The following SEPTIN2 variants were observed in gnomAD, a reference collection of about 807,000 sequenced individuals.
The protein encoded by SEPTIN2 is septin-2.
A neutral mutation model predicts 46.5 loss-of-function variants in SEPTIN2; 34 were observed. The observed-to-expected ratio is 0.73, with a 90% confidence interval of 0.56 to 0.97. The LOEUF (loss-of-function observed/expected upper bound fraction) is 0.97. Ranked by LOEUF, SEPTIN2 falls within the 50% of genes least tolerant of loss-of-function variation. SEPTIN2 has a pLI of 0.00. For synonymous variants in SEPTIN2, 175 were observed against 153.4 expected, an observed-to-expected ratio of 1.14 and a Z score of -1.04; for missense variants, 347 against 448.4, an observed-to-expected ratio of 0.77 and a Z score of 2.04.
rs1028088202 is a variant in SEPTIN2 at position 241,349,934 on chromosome 2, T to C, written c.985-139T>C. ...AGCTGTTGCTTTTTTTATTGATTGG[T>C]AAAAAGTCTTTATGTAATAACTCCT... On this transcript the variant is annotated intron_variant, in intron 11 of 12. Transcript: ENST00000391971. 8.2e-6 allele frequency: 6 copies of C among 731,990 alleles called. No individual in the cohort carries two copies. The Admixed American group carries it at 1.6e-4, about 19-fold the overall frequency. The allele number at this position is 731,990 out of a possible 1,614,324, so 45.3% of individuals were successfully genotyped here.
chr2:241,350,789 A>G (rs2060718618), intron 12 of SEPTIN2, among the ~76,000 whole-genome samples: 1 of 151,112 alleles, frequency 6.6e-6, no homozygotes, highest in South Asian at 2.1e-4. Flanking sequence ...GAATCTGCAG[A>G]CTCCAGAGAC....
chr2:241,316,533 C>G, intron 1 of SEPTIN2: 1 of 1,520,452 alleles, frequency 6.6e-7, no homozygotes, highest in Non-Finnish European at 8.8e-7. Context: ...CGAGGAGAGG[C>G]GACGAAGGTC....
intron 1 of SEPTIN2, among the ~76,000 whole-genome samples, chr2:241,318,824 G>C (rs1452452916): frequency 6.6e-6 from 1 of 151,484 alleles, no homozygotes; most frequent in Admixed American, 6.6e-5. Context: ...CAGCCTCCTG[G>C]GTAGCTGGGA....
chr2:241,349,789 C>G (rs1022819975), intron 11 of SEPTIN2, among the ~76,000 whole-genome samples: 2 of 152,164 alleles, frequency 1.3e-5, no homozygotes, highest in Non-Finnish European at 2.9e-5. Context: ...CCACTGCACT[C>G]CAGCCTAGGA....
intron 1 of SEPTIN2, among the ~76,000 whole-genome samples, chr2:241,319,088 G>A (rs982586472): frequency 6.6e-6 from 1 of 152,244 alleles, no homozygotes; most frequent in African/African-American, 2.4e-5. Context: ...AACTCACCAA[G>A]GTAGTATTAA....
chr2:241,326,164 T>C, intron 3 of SEPTIN2, 51 bp downstream of exon 3: 4 of 1,552,520 alleles, frequency 2.6e-6, no homozygotes, highest in Non-Finnish European at 3.5e-6. Context: ...ATCTCCCCTT[T>C]CCAATCTCTG....
chr2:241,347,084 G>A (rs553174814), intron 10 of SEPTIN2, among the ~76,000 whole-genome samples: 4 of 152,042 alleles, frequency 2.6e-5, no homozygotes, highest in African/African-American at 9.7e-5. Flanking sequence ...GGGAGACCTC[G>A]CCTCTATAAA....
rs141989185 is a variant in SEPTIN2, at chr2:241,321,742, C to G, written c.-17-2474C>G. Among the ~76,000 whole-genome samples, 4 of 152,148 alleles carry G rather than the reference C, an allele frequency of 2.6e-5. No homozygotes were observed. The East Asian group carries it at 7.7e-4, about 29-fold the overall frequency. On this transcript the variant is annotated intron_variant, in intron 1 of 12. Coordinates refer to ENST00000391971, the MANE Select transcript of SEPTIN2 (RefSeq NM_004404.5). ...TTCTTGTTCCTTTTCCATATTTTTG[C>G]TGGTTTGATGAAGTTGCTGTTTCCT...
intron 11 of SEPTIN2, among the ~76,000 whole-genome samples, chr2:241,348,745 CAATTT>C (rs150266537): frequency 0.014 from 2,069 of 151,982 alleles, 38 homozygotes; most frequent in African/African-American, 0.045. Flanking sequence ...ACTTTGGAGA[CAATTT>C]AGTAATGTCA....
intron 3 of SEPTIN2, among the ~76,000 whole-genome samples, chr2:241,330,221 A>G (rs2078769547): frequency 6.6e-6 from 1 of 152,210 alleles, no homozygotes; most frequent in African/African-American, 2.4e-5. Context: ...TAAAAAAATC[A>G]CCATGCCATA....
chr2:241,350,151 G>A lies in SEPTIN2; in HGVS notation c.1063G>A (p.Gly355Arg), dbSNP rs759279492. 6.8e-6 allele frequency: 11 copies of A among 1,613,608 alleles called. No individual in the cohort carries two copies. Among genetic ancestry groups the A allele is most frequent in the African/African-American group, 2.7e-5 (2 of 75,022 alleles). ...MQMQGGDGDG[G>R]ALGHHV Reference sequence around the variant, plus strand: ...GATGCAGGGCGGGGATGGCGATGGCGGGGCTCTCGGGCACCACGTGTAAGG... The same window carrying A: ...GATGCAGGGCGGGGATGGCGATGGCAGGGCTCTCGGGCACCACGTGTAAGG... Residue 355 changes from glycine to arginine, a missense_variant, in exon 12 of 13, where the codon GGG (glycine) becomes AGG (arginine). By Grantham distance (125) the Gly-to-Arg change is moderately radical (BLOSUM62 -2). Transcript: ENST00000391971.
chr2:241,343,642 A>G (rs2081565378), intron 8 of SEPTIN2, 110 bp from the exon 9 acceptor site: 2 of 1,199,970 alleles, frequency 1.7e-6, no homozygotes, highest in Admixed American at 2.2e-5. Flanking sequence ...TTTCCAATTC[A>G]GTTTTGTAGT....
At chr2:241,333,772 G>A (rs1242503641) in intron 3 of SEPTIN2, among the ~76,000 whole-genome samples, 1 of 152,196 alleles carries the variant, frequency 6.6e-6, no homozygotes, top group Non-Finnish European at 1.5e-5. Flanking sequence ...CAAAGTGCTG[G>A]GATTACAGGC....
At chr2:241,346,063 T>C (rs1309367190) in intron 9 of SEPTIN2, 103 bp from the exon 10 acceptor site, 1 of 755,484 alleles carries the variant, frequency 1.3e-6, no homozygotes, top group African/African-American at 1.8e-5. Context: ...ACCAAGTAAT[T>C]TTAATTACTG....
At chr2:241,334,215 C>T (rs911629684) in intron 3 of SEPTIN2, among the ~76,000 whole-genome samples, 11 of 152,136 alleles carry the variant, frequency 7.2e-5, no homozygotes, top group Admixed American at 6.6e-4. Flanking sequence ...CTTCCTCATG[C>T]TTTGCAGAAC....
At chr2:241,334,420 G>C (rs2079560303) in intron 3 of SEPTIN2, among the ~76,000 whole-genome samples, 1 of 152,190 alleles carries the variant, frequency 6.6e-6, no homozygotes, top group Non-Finnish European at 1.5e-5. Context: ...CAAATATTCA[G>C]AATATGTAGT....
chr2:241,322,329 G>A (rs1169480109), intron 1 of SEPTIN2, among the ~76,000 whole-genome samples: 2 of 152,032 alleles, frequency 1.3e-5, no homozygotes, highest in East Asian at 3.9e-4. Context: ...TCTCTGGCTG[G>A]GCACAGTGGC....
intron 1 of SEPTIN2, chr2:241,316,535 A>G: frequency 6.6e-7 from 1 of 1,522,060 alleles, no homozygotes; most frequent in Non-Finnish European, 8.8e-7. Context: ...AGGAGAGGCG[A>G]CGAAGGTCTG....
rs541382211 is a variant in SEPTIN2 at position 241,352,677 on chromosome 2, G to A, written c.*740G>A. 2 of 152,230 alleles carry A rather than the reference G, an allele frequency of 1.3e-5. No individual in the cohort carries two copies. Among genetic ancestry groups the A allele is most frequent in the African/African-American group, 4.8e-5 (2 of 41,536 alleles). 9.4% of individuals were successfully genotyped at this position (152,230 alleles called of 1,614,324 possible). ...AAGAACTCACCACAAGCCACCTTTT[G>A]TAGTGTTCTCCACTAATACTGGTTA... On this transcript the variant is annotated 3_prime_UTR_variant, in exon 13 of 13. Transcript: ENST00000391971.
Sources: allele counts gnomAD v4.1 joint callset (sites outside exome capture counted in the v4.1 genomes callset), GRCh38; gene constraint gnomAD v4.1.1; transcripts MANE v1.5; gene names NCBI Gene and HGNC (gene_info 2026-07-23, HGNC 2026-07-21).